The following CACNB1 variants were observed in gnomAD, a reference collection of about 807,000 sequenced individuals.
The protein encoded by CACNB1 is calcium voltage-gated channel auxiliary subunit beta 1, also known as voltage-dependent L-type calcium channel subunit beta-1.
CACNB1 carries 29 observed loss-of-function variants against 71.6 expected under a neutral mutation model. The observed-to-expected ratio is 0.40, with a 90% confidence interval of 0.30 to 0.55. The LOEUF (loss-of-function observed/expected upper bound fraction) is 0.55. Ranked by LOEUF, CACNB1 falls within the 20% of genes least tolerant of loss-of-function variation. The pLI is 0.38. For missense variants in CACNB1, 623 were observed against 801.8 expected (o/e 0.78, Z 2.69); for synonymous variants, 300 against 319.6 (o/e 0.94, Z 0.65).
rs764065636 is a variant in CACNB1, at chr17:39,197,468, C to G, written c.28G>C (p.Gly10Arg). The G allele has an allele frequency of 1.3e-6, 2 of 1,490,278 alleles. No homozygotes were observed. Among genetic ancestry groups the G allele is most frequent in the South Asian group, 2.6e-5 (2 of 76,250 alleles). 92.3% of individuals were successfully genotyped at this position (1,490,278 alleles called of 1,614,324 possible). ...ATCTCCTGGGAGGGTGGGTAAGGGC[C>G]CCGGGACATGCTGGTCTTCTGGACC... MVQKTSMSRGPYPPSQEIPM... is the reference protein window; with the variant it reads MVQKTSMSRRPYPPSQEIPM... Residue 10 changes from glycine (G) to arginine (R), a missense_variant, in exon 1 of 14, where the codon GGC (glycine) becomes CGC (arginine). Physicochemically the swap from Gly to Arg is moderately radical, Grantham distance 125 (BLOSUM62 -2). Coordinates refer to ENST00000394303, the MANE Select transcript of CACNB1 (RefSeq NM_000723.5).
rs373023242 is a variant in CACNB1 at position 39,175,456 on chromosome 17, A to G, written c.1534T>C (p.Tyr512His). ...ACACATGAGTCTCCCAGCTCCGTGT[A>G]GGCAGAGTTTCGGCTGCCGGGGGTG... ...ADTPGSRNSAYTELGDSCVDM... is the reference protein window; with the variant it reads ...ADTPGSRNSAHTELGDSCVDM... Residue 512 changes from tyrosine (Y) to histidine (H), a missense_variant, in exon 14 of 14, where the codon TAC (tyrosine) becomes CAC (histidine). Coordinates refer to ENST00000394303, the MANE Select transcript of CACNB1 (RefSeq NM_000723.5). The surrounding 1 kb of genome is among the most constrained non-coding windows in gnomAD (Gnocchi z 4.7). 6 of 1,614,040 alleles carry G rather than the reference A, an allele frequency of 3.7e-6. No individual in the cohort carries two copies. The African/African-American group carries it at 5.3e-5, about 14-fold the overall frequency.
intron 11 of CACNB1, 110 bp from the exon 12 acceptor site, chr17:39,178,189 C>A: frequency 1.3e-6 from 1 of 791,330 alleles, no homozygotes; most frequent in Admixed American, 1.8e-5. Context: ...TGTCAAGACC[C>A]TTGAATGCTC....
intron 3 of CACNB1, among the ~76,000 whole-genome samples, chr17:39,191,095 T>C (rs1400588000): frequency 1.3e-5 from 2 of 151,828 alleles, no homozygotes; most frequent in Non-Finnish European, 2.9e-5. Context: ...TCCCGGCTAC[T>C]TGGGAGGCTG....
intron 9 of CACNB1, 59 bp downstream of exon 9, chr17:39,184,266 G>A: frequency 1.5e-6 from 2 of 1,319,608 alleles, no homozygotes; most frequent in South Asian, 2.5e-5. Context: ...GAGGCATCCT[G>A]CCCATCCCCA....
At chr17:39,195,945 C>A (rs1345771072) in intron 1 of CACNB1, among the ~76,000 whole-genome samples, 3 of 152,194 alleles carry the variant, frequency 2.0e-5, no homozygotes, top group African/African-American at 4.8e-5. Flanking sequence ...GCCACACGTT[C>A]AGGTTAAGGG....
At chr17:39,176,346 C>T (rs1156796085) in intron 13 of CACNB1, among the ~76,000 whole-genome samples, 1 of 152,194 alleles carries the variant, frequency 6.6e-6, no homozygotes, top group East Asian at 1.9e-4. Context: ...CAGTCCCTCC[C>T]CTGCCATGTC....
chr17:39,192,384 A>G (rs2046101551), intron 2 of CACNB1: 1 of 152,360 alleles, frequency 6.6e-6, no homozygotes. Context: ...TGTGTAAGAC[A>G]CATGTTGCCC....
intron 11 of CACNB1, among the ~76,000 whole-genome samples, chr17:39,180,984 T>G (rs895485511): frequency 2.0e-5 from 3 of 152,234 alleles, no homozygotes; most frequent in Admixed American, 2.0e-4. Flanking sequence ...AAGATTTTTT[T>G]GATACTATTC....
intron 3 of CACNB1, among the ~76,000 whole-genome samples, chr17:39,188,008 A>C (rs1204494267): frequency 6.6e-6 from 1 of 151,994 alleles, no homozygotes; most frequent in Non-Finnish European, 1.5e-5. Context: ...GCAAGACTCC[A>C]TTTCAAAACA....
chr17:39,176,862 C>A (rs1366287966), intron 13 of CACNB1, among the ~76,000 whole-genome samples: 2 of 152,078 alleles, frequency 1.3e-5, no homozygotes, highest in African/African-American at 4.8e-5. Flanking sequence ...TCTTGAGGGG[C>A]CTTGTGGAGT....
chr17:39,186,300 A>G lies in CACNB1; in HGVS notation c.628+196T>C. The G allele has an allele frequency of 1.6e-6, 1 of 634,286 alleles. No homozygotes were observed. 39.3% of individuals were successfully genotyped at this position (634,286 alleles called of 1,614,324 possible). ...TCAGGCAGAGAGATGGAGCTACCAA[A>G]GAAAAGGGAGAGGAGAGACATGACA... On this transcript the variant is annotated intron_variant, in intron 6 of 13. Transcript: ENST00000394303. This position sits in a 1 kb window ranked among gnomAD's most constrained non-coding sequence, Gnocchi z 4.1.
rs2046006155 is a variant in CACNB1, at chr17:39,188,890, A to G, written c.292-1289T>C. Among the ~76,000 whole-genome samples, 2 of 152,096 alleles carry G rather than the reference A, an allele frequency of 1.3e-5. 1 individual carries two copies. The highest frequency in any genetic ancestry group is 4.1e-4 in the South Asian group (2 of 4,832). On this transcript the variant is annotated intron_variant, in intron 3 of 13. Coordinates refer to ENST00000394303, the MANE Select transcript of CACNB1 (RefSeq NM_000723.5). ...GAAACTCTGTCTCTACTAAAAATAC[A>G]AAATTAGCATGGTGTGGTGGCACAT...
At position 39,190,095 on chromosome 17, in the gene CACNB1, G is replaced by A. The variant is rs561192869; in HGVS notation, c.291+1379C>T. On this transcript the variant is annotated intron_variant, in intron 3 of 13. Transcript: ENST00000394303. ...CGCACCACTGTACCCCAGCCTGGGC[G>A]GCAGTGCAAGACTCCATCTCAAAAA... Among the ~76,000 whole-genome samples the A allele has an allele frequency of 5.3e-5, 8 of 151,098 alleles. No homozygotes were observed. The South Asian group carries it at 1.5e-3, about 28-fold the overall frequency.
rs148379260 is a variant in CACNB1 at position 39,178,851 on chromosome 17, A to G, written c.1051-772T>C. On this transcript the variant is annotated intron_variant, in intron 11 of 13. Coordinates refer to ENST00000394303, the MANE Select transcript of CACNB1 (RefSeq NM_000723.5). The stretch of plus-strand genomic sequence containing the variant: ...CTCAACAACAAGAACCATAATTATA[A>G]TAATGCAAAACCGGAAACTAATCAT... Among the ~76,000 whole-genome samples the G allele has an allele frequency of 1.6e-3, 244 of 152,310 alleles. 1 individual carries two copies. Among genetic ancestry groups the G allele is most frequent in the Admixed American group, 2.9e-3 (44 of 15,302 alleles).
At chr17:39,183,613 G>T in intron 11 of CACNB1, 100 bp downstream of exon 11, 1 of 980,500 alleles carries the variant, frequency 1.0e-6, no homozygotes, top group Non-Finnish European at 1.5e-6. Context: ...GACTCAGGCA[G>T]ATTAATTCAC....
At position 39,175,591 on chromosome 17, in the gene CACNB1, C is replaced by T. The variant is rs781727961; in HGVS notation, c.1399G>A (p.Glu467Lys). The change falls in exon 14 of 14, where the codon GAG (glutamate) becomes AAG (lysine). Residue 467 changes from glutamate to lysine, a missense_variant. Physicochemically the swap from Glu to Lys is moderately conservative, Grantham distance 56 (BLOSUM62 1). Transcript: ENST00000394303. This position sits in a 1 kb window ranked among gnomAD's most constrained non-coding sequence, Gnocchi z 4.7. ...RATGEHASMH[E>K]YPGELGQPPG... ...GGCTGGCCCAGCTCCCCTGGGTACTCGTGCATGCTGGCGTGCTCCCCGGTG... is the reference window on the plus strand; with the variant it reads ...GGCTGGCCCAGCTCCCCTGGGTACTTGTGCATGCTGGCGTGCTCCCCGGTG... The T allele has an allele frequency of 5.0e-6, 8 of 1,608,642 alleles. No individual in the cohort carries two copies. The highest frequency in any genetic ancestry group is 1.1e-5 in the South Asian group (1 of 90,410).
chr17:39,186,672 C>T lies in CACNB1; in HGVS notation c.552-100G>A. 6.6e-7 allele frequency: 1 copy of T among 1,521,034 alleles called. No individual in the cohort carries two copies. The highest frequency in any genetic ancestry group is 9.1e-7 in the Non-Finnish European group (1 of 1,104,650). The allele number at this position is 1,521,034 out of a possible 1,614,324, so 94.2% of individuals were successfully genotyped here. ...CACCCCCGGAGGTGCTCCAGCCCCACTGGTGATGCCACAGGCAGCTCTGTG... is the reference window on the plus strand; with the variant it reads ...CACCCCCGGAGGTGCTCCAGCCCCATTGGTGATGCCACAGGCAGCTCTGTG... On this transcript the variant is annotated intron_variant, in intron 5 of 13. Transcript: ENST00000394303. The surrounding 1 kb of genome is among the most constrained non-coding windows in gnomAD (Gnocchi z 4.1).
intron 4 of CACNB1, chr17:39,187,214 T>C: frequency 1.7e-6 from 1 of 598,788 alleles, no homozygotes. Flanking sequence ...GCCGCTGGAG[T>C]AAATGCGGAT....
Position 39,174,901 on chromosome 17 carries a change from C to A in CACNB1, c.*292G>T. 1 of 417,956 alleles carries A rather than the reference C, an allele frequency of 2.4e-6. No homozygotes were observed. Among genetic ancestry groups the A allele is most frequent in the South Asian group, 3.8e-5 (1 of 26,540 alleles). 25.9% of individuals were successfully genotyped at this position (417,956 alleles called of 1,614,324 possible). ...AAAGAGTTAAGGAAGTGCACCTTTT[C>A]TCTAGGAGGGTGAGGGAGGAGAGCC... On this transcript the variant is annotated 3_prime_UTR_variant, in exon 14 of 14. Coordinates refer to ENST00000394303, the MANE Select transcript of CACNB1 (RefSeq NM_000723.5).
Sources: gnomAD v4.1 joint callset for allele counts (sites outside exome capture counted in the v4.1 genomes callset) on GRCh38, gnomAD v4.1.1 for gene constraint, Gnocchi (gnomAD v3.1) non-coding constraint, MANE v1.5 for transcripts, NCBI Gene and HGNC (gene_info 2026-07-23, HGNC 2026-07-21) for gene names.